PTPRM: variants seen among roughly 807,000 people sequenced by gnomAD.
The protein encoded by PTPRM is receptor-type tyrosine-protein phosphatase mu.
In PTPRM, 47 loss-of-function variants were observed where a neutral mutation model predicts 186.7. The observed-to-expected ratio is 0.25, with a 90% CI of 0.20 to 0.32. The LOEUF (loss-of-function observed/expected upper bound fraction) is 0.32, where lower values mean the gene tolerates loss of function less well. Ranked by LOEUF, PTPRM falls within the 10% of genes least tolerant of loss-of-function variation. The pLI is 1.00. For missense variants in PTPRM, 1,494 were observed against 1,865.0 expected, an observed-to-expected ratio of 0.80 and a Z score of 3.66; for synonymous variants, 668 against 674.9, an observed-to-expected ratio of 0.99 and a Z score of 0.16.
chr18:8,159,873 T>A (rs1174597462), intron 14 of PTPRM, among the ~76,000 whole-genome samples: 1 of 152,166 alleles, frequency 6.6e-6, no homozygotes, highest in Non-Finnish European at 1.5e-5. Context: ...AAAAAAAAAT[T>A]TCAGGGATGT....
At chr18:8,280,020 G>C (rs1423292558) in intron 19 of PTPRM, among the ~76,000 whole-genome samples, 2 of 150,458 alleles carry the variant, frequency 1.3e-5, no homozygotes, top group African/African-American at 2.4e-5. Context: ...CATTTAATGT[G>C]TGTGCAGCCG....
At chr18:8,363,005 T>C (rs1415874711) in intron 23 of PTPRM, among the ~76,000 whole-genome samples, 3 of 152,212 alleles carry the variant, frequency 2.0e-5, no homozygotes, top group African/African-American at 7.2e-5. Flanking sequence ...TCTTAGTGAC[T>C]ATTAGAACTA....
intron 19 of PTPRM, among the ~76,000 whole-genome samples, chr18:8,288,626 G>A (rs764475767): frequency 2.1e-4 from 32 of 152,286 alleles, no homozygotes; most frequent in South Asian, 6.2e-4. Context: ...TGAACACTCC[G>A]CAGTTACTGT....
At chr18:7,998,293 TTACAGGTTC>T (rs2083661221) in intron 7 of PTPRM, among the ~76,000 whole-genome samples, 1 of 151,964 alleles carries the variant, frequency 6.6e-6, no homozygotes, top group Admixed American at 6.6e-5. Context: ...ATCACAAATG[TTACAGGTTC>T]TACTCATATG....
At chr18:8,039,792 C>T (rs1357499798) in intron 7 of PTPRM, among the ~76,000 whole-genome samples, 1 of 151,876 alleles carries the variant, frequency 6.6e-6, no homozygotes, top group Non-Finnish European at 1.5e-5. Context: ...ATTATAGATC[C>T]CTATTTATTA....
intron 2 of PTPRM, among the ~76,000 whole-genome samples, chr18:7,810,623 T>TG (rs1204359491): frequency 6.8e-6 from 1 of 147,650 alleles, no homozygotes; most frequent in African/African-American, 2.5e-5. Context: ...GAGACTGGGG[T>TG]GGGGGGAGGA....
At chr18:8,167,577 G>A (rs769387892) in intron 14 of PTPRM, among the ~76,000 whole-genome samples, 2 of 152,216 alleles carry the variant, frequency 1.3e-5, no homozygotes, top group Admixed American at 6.5e-5. Flanking sequence ...AGGCTCCAGC[G>A]CCCTTTTCAT....
chr18:8,344,048 C>G (rs1256113516), intron 23 of PTPRM, among the ~76,000 whole-genome samples: 1 of 152,168 alleles, frequency 6.6e-6, no homozygotes, highest in Non-Finnish European at 1.5e-5. Flanking sequence ...ATGAGCAGTG[C>G]TTTTATTTAA....
chr18:7,638,156 A>C (rs2038362846), intron 1 of PTPRM, among the ~76,000 whole-genome samples: 2 of 152,164 alleles, frequency 1.3e-5, no homozygotes, highest in Admixed American at 6.5e-5. Context: ...ACTCTACCCT[A>C]AACACTGAGA....
intron 2 of PTPRM, among the ~76,000 whole-genome samples, chr18:7,859,684 G>A (rs1179439683): frequency 6.6e-6 from 1 of 152,238 alleles, no homozygotes; most frequent in African/African-American, 2.4e-5. Flanking sequence ...AGTCAGAAAT[G>A]GGGGTTGAGG....
At chr18:8,201,777 C>T (rs542277030) in intron 14 of PTPRM, among the ~76,000 whole-genome samples, 1 of 152,212 alleles carries the variant, frequency 6.6e-6, no homozygotes, top group Non-Finnish European at 1.5e-5. Flanking sequence ...TAATTACCTC[C>T]TAGATACCCC....
At chr18:7,577,071 G>A (rs2036706582) in intron 1 of PTPRM, among the ~76,000 whole-genome samples, 1 of 152,000 alleles carries the variant, frequency 6.6e-6, no homozygotes, top group East Asian at 1.9e-4. Flanking sequence ...AATAACTTAT[G>A]CTTAAGGCTG....
intron 14 of PTPRM, among the ~76,000 whole-genome samples, 177 bp downstream of exon 14, chr18:8,143,956 G>C (rs1217491560): frequency 1.3e-5 from 2 of 152,148 alleles, no homozygotes; most frequent in East Asian, 3.9e-4. Context: ...CAAAAATTTA[G>C]AGTAAATGGC....
At chr18:8,316,857 G>A (rs1198078600) in intron 21 of PTPRM, among the ~76,000 whole-genome samples, 1 of 152,130 alleles carries the variant, frequency 6.6e-6, no homozygotes, top group Non-Finnish European at 1.5e-5. Flanking sequence ...AAGACAAGGG[G>A]TTGAGCTATA....
intron 11 of PTPRM, among the ~76,000 whole-genome samples, chr18:8,104,490 G>A (rs1486935942): frequency 6.6e-6 from 1 of 152,126 alleles, no homozygotes; most frequent in East Asian, 1.9e-4. Flanking sequence ...CATTGTCCAG[G>A]CTGGAGTGCA....
intron 14 of PTPRM, among the ~76,000 whole-genome samples, chr18:8,175,145 A>G (rs1451829398): frequency 6.6e-6 from 1 of 152,182 alleles, no homozygotes; most frequent in Non-Finnish European, 1.5e-5. Flanking sequence ...TGAGTTCTCT[A>G]GATTGAGCTT....
intron 5 of PTPRM, among the ~76,000 whole-genome samples, chr18:7,943,089 C>A (rs1484578449): frequency 6.6e-6 from 1 of 152,148 alleles, no homozygotes; most frequent in Non-Finnish European, 1.5e-5. Flanking sequence ...CCTTTCGTTT[C>A]TGTGCCTCTC....
chr18:8,010,786 G>T (rs1228711944), intron 7 of PTPRM, among the ~76,000 whole-genome samples: 1 of 152,126 alleles, frequency 6.6e-6, no homozygotes, highest in African/African-American at 2.4e-5. Context: ...AGAAGAAGAG[G>T]CAGGGAAAGG....
chr18:7,825,230 G>T (rs2045420107), intron 2 of PTPRM, among the ~76,000 whole-genome samples: 4 of 152,110 alleles, frequency 2.6e-5, no homozygotes, highest in Admixed American at 2.6e-4. Flanking sequence ...CAAACTGTGG[G>T]CCAAGGCTCC....
Sources: gnomAD v4.1 joint callset for allele counts (sites outside exome capture counted in the v4.1 genomes callset) on GRCh38, gnomAD v4.1.1 for gene constraint, MANE v1.5 for transcripts, NCBI Gene and HGNC (gene_info 2026-07-23, HGNC 2026-07-21) for gene names.